The following GALNT13 variants were observed in gnomAD, a reference collection of about 807,000 sequenced individuals.
The protein encoded by GALNT13 is polypeptide N-acetylgalactosaminyltransferase 13, also known as UDP-GalNAc:polypeptide N-acetylgalactosaminyltransferase 13.
In GALNT13, 28 loss-of-function variants were observed where a neutral mutation model predicts 64.2. The ratio of observed to expected loss-of-function variants is 0.44; its 90% CI spans 0.32 to 0.60. The LOEUF is 0.60. Among genes scored for constraint, GALNT13 ranks in the 20% least tolerant of loss-of-function variants. GALNT13 has a pLI of 0.05. For synonymous variants in GALNT13, 214 were observed against 224.6 expected, an observed-to-expected ratio of 0.95 and a Z score of 0.42; for missense variants, 577 against 669.8, an observed-to-expected ratio of 0.86 and a Z score of 1.53.
chr2:153,305,899 TAA>T, the GALNT13 span, among the ~76,000 whole-genome samples: 94 of 152,328 alleles, frequency 6.2e-4, 1 homozygote, highest in Middle Eastern at 0.01. Context: ...AAATGTTTGC[TAA>T]AGCATCTTCA....
chr2:153,638,011 G>A, the GALNT13 span, among the ~76,000 whole-genome samples: 1 of 152,128 alleles, frequency 6.6e-6, no homozygotes, highest in Non-Finnish European at 1.5e-5. Flanking sequence ...TTTATTTGAT[G>A]TAGGTGGACA....
At chr2:153,716,283 G>C in the GALNT13 span, among the ~76,000 whole-genome samples, 1 of 152,188 alleles carries the variant, frequency 6.6e-6, no homozygotes, top group Non-Finnish European at 1.5e-5. Flanking sequence ...CGTGGCCCAG[G>C]ATGGCTTTGA....
At chr2:153,633,108 A>G in the GALNT13 span, among the ~76,000 whole-genome samples, 1 of 152,116 alleles carries the variant, frequency 6.6e-6, no homozygotes, top group Non-Finnish European at 1.5e-5. Flanking sequence ...ATGGTATACC[A>G]TAGTTTGTTT....
chr2:153,360,161 A>G, the GALNT13 span, among the ~76,000 whole-genome samples: 1 of 152,156 alleles, frequency 6.6e-6, no homozygotes, highest in African/African-American at 2.4e-5. Flanking sequence ...GCAGTGGGGT[A>G]TGACAGCCCA....
chr2:154,321,523 A>G, intron 9 of GALNT13, among the ~76,000 whole-genome samples: 1 of 152,222 alleles, frequency 6.6e-6, no homozygotes, highest in East Asian at 1.9e-4. Flanking sequence ...ATACAGAAAT[A>G]AAGTCATAAT....
At chr2:153,882,362 C>T (rs1202247890) in intron 1 of GALNT13, among the ~76,000 whole-genome samples, 4 of 151,942 alleles carry the variant, frequency 2.6e-5, no homozygotes, top group African/African-American at 9.7e-5. Context: ...GCCTTGTATT[C>T]ACAACTCTAT....
chr2:153,329,390 T>C, the GALNT13 span, among the ~76,000 whole-genome samples: 3 of 152,234 alleles, frequency 2.0e-5, no homozygotes, highest in Non-Finnish European at 2.9e-5. Context: ...TACATTCTTA[T>C]CAACAGTGTA....
At chr2:153,797,294 T>A in the GALNT13 span, among the ~76,000 whole-genome samples, 1 of 152,202 alleles carries the variant, frequency 6.6e-6, no homozygotes, top group Non-Finnish European at 1.5e-5. Flanking sequence ...GGGCTATAAA[T>A]AACTATTGGA....
chr2:153,210,646 A>T, the GALNT13 span, among the ~76,000 whole-genome samples: 1 of 152,078 alleles, frequency 6.6e-6, no homozygotes, highest in South Asian at 2.1e-4. Context: ...TGGTTTTGGT[A>T]TTTGGATAAT....
chr2:153,433,650 G>C, the GALNT13 span, among the ~76,000 whole-genome samples: 1 of 152,076 alleles, frequency 6.6e-6, no homozygotes, highest in Non-Finnish European at 1.5e-5. Flanking sequence ...AGAGAAGGTA[G>C]AGTTTAGCGG....
chr2:153,442,270 G>A, the GALNT13 span, among the ~76,000 whole-genome samples: 7 of 152,226 alleles, frequency 4.6e-5, no homozygotes, highest in South Asian at 1.5e-3. Flanking sequence ...TGTATATTGA[G>A]CCAGGCTTGC....
chr2:154,258,386 C>T (rs1267598469), intron 7 of GALNT13, among the ~76,000 whole-genome samples: 1 of 151,924 alleles, frequency 6.6e-6, no homozygotes, highest in East Asian at 1.9e-4. Context: ...TAACAGAAAT[C>T]CCATAAATCC....
chr2:153,735,617 T>A, the GALNT13 span, among the ~76,000 whole-genome samples: 5 of 152,172 alleles, frequency 3.3e-5, no homozygotes, highest in Admixed American at 6.5e-5. Flanking sequence ...AGGTAACAGA[T>A]CCAATCCTGG....
chr2:153,482,875 C>T, the GALNT13 span, among the ~76,000 whole-genome samples: 1 of 151,502 alleles, frequency 6.6e-6, no homozygotes, highest in Non-Finnish European at 1.5e-5. Flanking sequence ...ATGGAAACAA[C>T]TGGAAAACAG....
intron 3 of GALNT13, among the ~76,000 whole-genome samples, chr2:154,135,841 G>GA (rs1047301494): frequency 5.9e-5 from 9 of 152,044 alleles, no homozygotes; most frequent in Non-Finnish European, 2.9e-5. Context: ...TTAAAACAAT[G>GA]AAAAAAGCAA....
chr2:153,679,837 C>G, the GALNT13 span, among the ~76,000 whole-genome samples: 1 of 151,966 alleles, frequency 6.6e-6, no homozygotes, highest in East Asian at 1.9e-4. Flanking sequence ...TCCATTTTCT[C>G]CTCTCTCCAG....
rs559982045 is a variant in GALNT13, at chr2:154,154,530, A to G, written c.311+14025A>G. Among the ~76,000 whole-genome samples, 7 of 152,344 alleles carry G rather than the reference A, an allele frequency of 4.6e-5. No individual in the cohort carries two copies. The East Asian group carries it at 1.2e-3, about 25-fold the overall frequency. ...ATTCTTGCAGTATTATATAAAAGGT[A>G]TTATAGATAAGAGAAGCCTGAATTT... On this transcript the variant is annotated intron_variant, in intron 4 of 12. Coordinates refer to ENST00000392825, the MANE Select transcript of GALNT13 (RefSeq NM_052917.4).
chr2:153,263,120 G>A, the GALNT13 span, among the ~76,000 whole-genome samples: 2 of 151,850 alleles, frequency 1.3e-5, no homozygotes, highest in African/African-American at 2.4e-5. Context: ...AAATCAATGT[G>A]CAAAAGTCAC....
the GALNT13 span, among the ~76,000 whole-genome samples, chr2:153,497,546 T>A: frequency 4.7e-5 from 6 of 126,580 alleles, no homozygotes; most frequent in African/African-American, 6.6e-5. Context: ...TTTTTTTTTT[T>A]TTTTTTTTTG....
Sources: allele counts gnomAD v4.1 joint callset (sites outside exome capture counted in the v4.1 genomes callset), GRCh38; gene constraint gnomAD v4.1.1; transcripts MANE v1.5; gene names NCBI Gene and HGNC (gene_info 2026-07-23, HGNC 2026-07-21).